ZBBX: variants seen among roughly 807,000 people sequenced by gnomAD.
The protein encoded by ZBBX is zinc finger B-box domain-containing protein 1.
A neutral mutation model predicts 108.5 loss-of-function variants in ZBBX; 101 were observed. The observed-to-expected ratio is 0.93, with a 90% CI of 0.79 to 1.10. The LOEUF is 1.10. ZBBX is among the 50% of genes least tolerant of loss of function. The pLI is 0.00. For missense variants in ZBBX, 1,009 were observed against 941.4 expected (o/e 1.07, Z -0.94); for synonymous variants, 356 against 323.4 (o/e 1.10, Z -1.08).
intron 20 of ZBBX, among the ~76,000 whole-genome samples, chr3:167,281,036 T>C (rs1728713406): frequency 6.6e-6 from 1 of 152,060 alleles, no homozygotes; most frequent in African/African-American, 2.4e-5. Flanking sequence ...TTCTCACTCA[T>C]AGGTGGGAAC....
chr3:167,345,888 C>A (rs1320291201), intron 9 of ZBBX, among the ~76,000 whole-genome samples: 1 of 151,836 alleles, frequency 6.6e-6, no homozygotes, highest in Non-Finnish European at 1.5e-5. Context: ...TAATACCACC[C>A]ACCTTCCCAA....
the ZBBX span, among the ~76,000 whole-genome samples, chr3:167,217,850 C>T: frequency 6.6e-6 from 1 of 151,448 alleles, no homozygotes; most frequent in Non-Finnish European, 1.5e-5. Context: ...CTTTAACAAA[C>T]TAATGCAGGA....
At position 167,339,420 on chromosome 3, in the gene ZBBX, A is replaced by G. The variant is rs184638420; in HGVS notation, c.529-5435T>C. Reference sequence around the variant, plus strand: ...GGCTATATCTTGATTTAGATTTTTCATTTTGGTAAAAATAATCTCTCTTAG... The same window carrying G: ...GGCTATATCTTGATTTAGATTTTTCGTTTTGGTAAAAATAATCTCTCTTAG... On this transcript the variant is annotated intron_variant, in intron 9 of 21. Transcript: ENST00000675490. Among the ~76,000 whole-genome samples the G allele has an allele frequency of 1.1e-3, 161 of 152,286 alleles. 1 individual carries two copies. Among genetic ancestry groups the G allele is most frequent in the African/African-American group, 3.7e-3 (154 of 41,570 alleles).
intron 20 of ZBBX, among the ~76,000 whole-genome samples, chr3:167,279,911 T>C (rs1167845293): frequency 1.3e-5 from 2 of 151,970 alleles, no homozygotes. Flanking sequence ...TATATATCAA[T>C]GGAACAGAAC....
At chr3:167,298,153 A>T (rs1261094902) in intron 18 of ZBBX, 152 bp downstream of exon 18, 2 of 504,346 alleles carry the variant, frequency 4.0e-6, no homozygotes, top group Non-Finnish European at 6.4e-6. Flanking sequence ...TCACATTCTG[A>T]TAGTAACCTT....
intron 9 of ZBBX, among the ~76,000 whole-genome samples, chr3:167,341,257 C>T (rs73879675): frequency 0.014 from 2,112 of 151,700 alleles, 44 homozygotes; most frequent in African/African-American, 0.048. Context: ...TATGAATGCA[C>T]CTTATTATTT....
chr3:167,270,564 A>G (rs13095465), intron 20 of ZBBX, among the ~76,000 whole-genome samples: 75,549 of 152,066 alleles, frequency 0.5, 19,580 homozygotes, highest in African/African-American at 0.66. Context: ...CCAAGAGCAC[A>G]GTGGCTGCCG....
At chr3:167,376,308 CA>C (rs1454109978) in intron 2 of ZBBX, among the ~76,000 whole-genome samples, 1 of 152,136 alleles carries the variant, frequency 6.6e-6, no homozygotes, top group Non-Finnish European at 1.5e-5. Context: ...AGGCACCTTT[CA>C]AAAACCTCCA....
the ZBBX span, among the ~76,000 whole-genome samples, chr3:167,221,402 G>T: frequency 6.6e-6 from 1 of 151,730 alleles, no homozygotes; most frequent in Non-Finnish European, 1.5e-5. Flanking sequence ...AAGGCATCAA[G>T]AACATACATG....
the ZBBX span, among the ~76,000 whole-genome samples, chr3:167,204,960 T>C: frequency 1.1e-4 from 16 of 150,230 alleles, no homozygotes; most frequent in East Asian, 2.7e-3. Flanking sequence ...AAGAGATAAA[T>C]TTGGTTCTTA....
the ZBBX span, among the ~76,000 whole-genome samples, chr3:167,221,309 A>T: frequency 6.6e-6 from 1 of 151,892 alleles, no homozygotes; most frequent in East Asian, 1.9e-4. Flanking sequence ...GTAATGGCAT[A>T]GAAACAGACA....
chr3:167,384,208 C>T (rs1747832408), upstream of ZBBX, among the ~76,000 whole-genome samples: 1 of 152,056 alleles, frequency 6.6e-6, no homozygotes, highest in Non-Finnish European at 1.5e-5. Flanking sequence ...GGACAAGAGA[C>T]ACTTTTAAAA....
chr3:167,363,503 G>A (rs911893434), intron 6 of ZBBX, among the ~76,000 whole-genome samples: 13 of 151,700 alleles, frequency 8.6e-5, no homozygotes, highest in Admixed American at 8.6e-4. Flanking sequence ...CACCTTTCTT[G>A]TCTCACACAC....
chr3:167,365,831 AAAG>A, intron 6 of ZBBX, 52 bp downstream of exon 6: 8 of 1,338,606 alleles, frequency 6.0e-6, no homozygotes, highest in Non-Finnish European at 8.4e-6. Context: ...AAGACCTAAA[AAAG>A]AATATCTTCT....
At chr3:167,312,321 C>T (rs555988841) in intron 16 of ZBBX, among the ~76,000 whole-genome samples, 27 of 152,098 alleles carry the variant, frequency 1.8e-4, no homozygotes, top group East Asian at 1.9e-4. Flanking sequence ...ATTTTTAGGA[C>T]GAGAAGGTAT....
chr3:167,238,260 T>A (rs1720312204), downstream of ZBBX, among the ~76,000 whole-genome samples: 1 of 152,024 alleles, frequency 6.6e-6, no homozygotes, highest in African/African-American at 2.4e-5. Flanking sequence ...GAAGATTCAT[T>A]GGTGACTCAC....
intron 16 of ZBBX, among the ~76,000 whole-genome samples, chr3:167,306,531 G>A (rs569643000): frequency 5.9e-5 from 9 of 152,208 alleles, no homozygotes; most frequent in East Asian, 3.9e-4. Flanking sequence ...TTACATCACC[G>A]GTTTTTAACC....
intron 1 of ZBBX, among the ~76,000 whole-genome samples, chr3:167,397,273 C>T (rs978135623): frequency 2.7e-4 from 41 of 150,788 alleles, no homozygotes; most frequent in Non-Finnish European, 5.3e-4. Flanking sequence ...AATTGACTTG[C>T]TACGTTTTGT....
the ZBBX span, among the ~76,000 whole-genome samples, chr3:167,183,587 G>A: frequency 1.9e-3 from 294 of 152,332 alleles, 1 homozygote; most frequent in South Asian, 8.7e-3. Flanking sequence ...ACAGGAAGCC[G>A]CCAGTGATAA....
Sources: allele counts gnomAD v4.1 joint callset (sites outside exome capture counted in the v4.1 genomes callset), GRCh38; gene constraint gnomAD v4.1.1; transcripts MANE v1.5; gene names NCBI Gene and HGNC (gene_info 2026-07-23, HGNC 2026-07-21).